The following MAP2 variants were observed in gnomAD, a reference collection of about 807,000 sequenced individuals.
MAP2 encodes the protein microtubule-associated protein 2.
A neutral mutation model predicts 137.6 loss-of-function variants in MAP2; 14 were observed. The ratio of observed to expected loss-of-function variants is 0.10; its 90% confidence interval spans 0.07 to 0.16. The LOEUF (loss-of-function observed/expected upper bound fraction) is 0.16. MAP2 is among the 10% of genes least tolerant of loss of function. MAP2 has a pLI of 1.00. For missense variants in MAP2, 2,088 were observed against 2,191.5 expected, an observed-to-expected ratio of 0.95 and a Z score of 0.94; for synonymous variants, 786 against 782.3, an observed-to-expected ratio of 1.00 and a Z score of -0.08.
At chr2:209,435,406 A>G (rs1188256301) in intron 1 of MAP2, among the ~76,000 whole-genome samples, 1 of 151,850 alleles carries the variant, frequency 6.6e-6, no homozygotes, top group Non-Finnish European at 1.5e-5. Context: ...TAGATAGGAC[A>G]ATAGCAATAT....
rs540515179 is a variant in MAP2 at position 209,436,670 on chromosome 2, T to C, written c.-222+12394T>C. Among the ~76,000 whole-genome samples the C allele has an allele frequency of 5.3e-5, 8 of 151,846 alleles. No homozygotes were observed. In the East Asian group the frequency reaches 1.4e-3, roughly 26 times the overall value. On this transcript the variant is annotated intron_variant, in intron 1 of 15. Coordinates refer to ENST00000682079, the MANE Select transcript of MAP2 (RefSeq NM_001375505.1). ...AAGTCCCATGGATGGAATCTTTAGA[T>C]TTCTCTCAAGTCAGAGCATGTTAGA...
chr2:209,476,460 A>G (rs1210525351), intron 1 of MAP2, among the ~76,000 whole-genome samples: 1 of 151,824 alleles, frequency 6.6e-6, no homozygotes, highest in Non-Finnish European at 1.5e-5. Flanking sequence ...AGGAAATACA[A>G]TGCTACTTGC....
At chr2:209,441,612 A>G (rs1697793625) in intron 1 of MAP2, among the ~76,000 whole-genome samples, 1 of 151,604 alleles carries the variant, frequency 6.6e-6, no homozygotes, top group South Asian at 2.1e-4. Context: ...TTCCTTTTAA[A>G]CAATGCCCAG....
chr2:209,698,221 G>A (rs905665923), intron 10 of MAP2, among the ~76,000 whole-genome samples: 1 of 152,208 alleles, frequency 6.6e-6, no homozygotes, highest in South Asian at 2.1e-4. Flanking sequence ...ACAAAGGAAT[G>A]AAACTTGTTG....
At chr2:209,555,751 A>C (rs1180746678) in intron 2 of MAP2, among the ~76,000 whole-genome samples, 1 of 152,214 alleles carries the variant, frequency 6.6e-6, no homozygotes, top group Non-Finnish European at 1.5e-5. Context: ...GTATCATTCA[A>C]ACATATCAAA....
chr2:209,609,145 T>C (rs545512945), intron 3 of MAP2, among the ~76,000 whole-genome samples: 2 of 152,152 alleles, frequency 1.3e-5, no homozygotes, highest in African/African-American at 4.8e-5. Context: ...AGGTATAATT[T>C]AATGCCTAAT....
rs1183779037 is a variant in MAP2, at chr2:209,694,903, C to T, written c.2733C>T (p.Asp911=). 9 of 1,614,018 alleles carry T rather than the reference C, an allele frequency of 5.6e-6. No individual in the cohort carries two copies. The highest frequency in any genetic ancestry group is 2.2e-5 in the East Asian group (1 of 44,888). Residue 911 remains aspartate (D), a synonymous_variant, in exon 8 of 16, where the codon GAC becomes GAT. Transcript: ENST00000682079. ...DDKVRRDLAT[D]LSLIEVKLAA... is the part of the protein sequence containing the mutation. ...AAGTTCGAAGAGATTTGGCCACAGA[C>T]CTTTCACTGATTGAAGTGAAACTGG... is the stretch of plus-strand genomic sequence containing the variant.
intron 1 of MAP2, among the ~76,000 whole-genome samples, chr2:209,506,498 T>A (rs1165305117): frequency 6.6e-6 from 1 of 152,192 alleles, no homozygotes; most frequent in Non-Finnish European, 1.5e-5. Context: ...AACTTGCTTT[T>A]TAATTAGAGA....
At chr2:209,480,360 A>G (rs1708420848) in intron 1 of MAP2, among the ~76,000 whole-genome samples, 1 of 152,210 alleles carries the variant, frequency 6.6e-6, no homozygotes, top group Admixed American at 6.5e-5. Flanking sequence ...ACAAGGAACA[A>G]TAAGGCCATT....
At chr2:209,721,323 T>A (rs1264982184) in intron 13 of MAP2, among the ~76,000 whole-genome samples, 2 of 152,066 alleles carry the variant, frequency 1.3e-5, no homozygotes, top group Non-Finnish European at 2.9e-5. Flanking sequence ...TCATTTTAGA[T>A]GAAAAAATTA....
chr2:209,673,263 G>C (rs966045887), intron 5 of MAP2, among the ~76,000 whole-genome samples: 2 of 151,740 alleles, frequency 1.3e-5, no homozygotes, highest in African/African-American at 2.4e-5. Flanking sequence ...TTTGTGAGCA[G>C]ATCCAAGTTG....
chr2:209,643,724 T>C (rs139233815), intron 4 of MAP2, among the ~76,000 whole-genome samples: 1 of 152,324 alleles, frequency 6.6e-6, no homozygotes, highest in East Asian at 1.9e-4. Context: ...TTGGTAATTT[T>C]AAACATTCTT....
At chr2:209,687,468 C>G (rs1194121988) in intron 7 of MAP2, among the ~76,000 whole-genome samples, 3 of 151,982 alleles carry the variant, frequency 2.0e-5, no homozygotes, top group Non-Finnish European at 4.4e-5. Context: ...GCAGGGCTGT[C>G]AATGCTTTTG....
At chr2:209,439,430 A>G (rs1697201803) in intron 1 of MAP2, among the ~76,000 whole-genome samples, 2 of 151,710 alleles carry the variant, frequency 1.3e-5, no homozygotes, top group South Asian at 4.1e-4. Flanking sequence ...GTACTGAAAA[A>G]AAATCTAAGT....
At chr2:209,701,082 ATTTTCTACT>A (rs1022266747) in intron 11 of MAP2, among the ~76,000 whole-genome samples, 1 of 151,998 alleles carries the variant, frequency 6.6e-6, no homozygotes, top group African/African-American at 2.4e-5. Context: ...TATTTCCTTC[ATTTTCTACT>A]AGTGAAATTA....
chr2:209,511,447 C>A (rs1053758164), intron 2 of MAP2, among the ~76,000 whole-genome samples: 4 of 152,156 alleles, frequency 2.6e-5, no homozygotes, highest in Non-Finnish European at 4.4e-5. Flanking sequence ...TATAAGACTT[C>A]CCCTGCCTTT....
chr2:209,704,957 TAAC>T (rs1306928041), intron 11 of MAP2, among the ~76,000 whole-genome samples: 1 of 150,956 alleles, frequency 6.6e-6, no homozygotes, highest in African/African-American at 2.4e-5. Context: ...AGTACAATAA[TAAC>T]AAATTACATT....
At chr2:209,501,765 C>T (rs1305274936) in intron 1 of MAP2, among the ~76,000 whole-genome samples, 1 of 151,902 alleles carries the variant, frequency 6.6e-6, no homozygotes, top group Non-Finnish European at 1.5e-5. Flanking sequence ...CACCTATTTG[C>T]TCAATAACTG....
At chr2:209,672,085 G>A (rs771784100) in intron 5 of MAP2, among the ~76,000 whole-genome samples, 8 of 151,968 alleles carry the variant, frequency 5.3e-5, no homozygotes, top group Non-Finnish European at 1.2e-4. Flanking sequence ...GTGACAAGTA[G>A]TGTGATCAGA....
Sources: gnomAD v4.1 joint callset for allele counts (sites outside exome capture counted in the v4.1 genomes callset) on GRCh38, gnomAD v4.1.1 for gene constraint, MANE v1.5 for transcripts, NCBI Gene and HGNC (gene_info 2026-07-23, HGNC 2026-07-21) for gene names.